Variants in AKAP9 observed in about 807,000 individuals in gnomAD.
The protein encoded by AKAP9 is A-kinase anchor protein 9.
A neutral mutation model predicts 488.5 loss-of-function variants in AKAP9; 311 were observed. That is an observed-to-expected ratio of 0.64 (90% confidence interval 0.58 to 0.70). The LOEUF is 0.70. Among genes scored for constraint, AKAP9 ranks in the 30% least tolerant of loss-of-function variants. The pLI is 0.00. For missense variants in AKAP9, 4,215 were observed against 4,374.5 expected, an observed-to-expected ratio of 0.96 and a Z score of 1.03; for synonymous variants, 1,462 against 1,483.5, an observed-to-expected ratio of 0.99 and a Z score of 0.33.
At chr7:91,980,247 C>A in intron 2 of AKAP9, 42 bp from the exon 3 acceptor site, 1 of 1,322,914 alleles carries the variant, frequency 7.6e-7, no homozygotes, top group Non-Finnish European at 1.1e-6. Context: ...ATATTTAGCA[C>A]AAAAAAGTCA....
chr7:92,002,923 C>T lies in AKAP9; in HGVS notation c.3006C>T (p.Asn1002=), dbSNP rs772095048. The T allele has an allele frequency of 1.2e-6, 2 of 1,611,604 alleles. No individual in the cohort carries two copies. Among genetic ancestry groups the T allele is most frequent in the African/African-American group, 1.3e-5 (1 of 74,654 alleles). Reference sequence around the variant, plus strand: ...GTAGAGAGCTAGAAATCATTATTAACCACAACAGGGCAGAAAATGTACAGT... The same window carrying T: ...GTAGAGAGCTAGAAATCATTATTAATCACAACAGGGCAGAAAATGTACAGT... The part of the protein sequence containing the change: ...LRCRELEIII[N]HNRAENVQSC... The change falls in exon 8 of 50, where the codon AAC becomes AAT. Residue 1002 remains asparagine (N), a synonymous_variant. Transcript: ENST00000356239.
chr7:92,062,925 C>G (rs1810134838), intron 24 of AKAP9, among the ~76,000 whole-genome samples: 1 of 152,108 alleles, frequency 6.6e-6, no homozygotes, highest in African/African-American at 2.4e-5. Flanking sequence ...TTAAAAAGGT[C>G]AGTGGCTGGT....
Position 92,083,186 on chromosome 7 carries a change from T to A in AKAP9, c.8177T>A (p.Met2726Lys), listed in dbSNP as rs1267250420. 3 of 1,613,992 alleles carry A rather than the reference T, an allele frequency of 1.9e-6. No homozygotes were observed. The highest frequency in any genetic ancestry group is 1.7e-6 in the Non-Finnish European group (2 of 1,179,954). ...QEELLVKETN[M>K]TSLQKDLSQV... ...ACGTTTTAGGTAAAAGAAACAAATA[T>A]GACATCTCTTCAGAAAGACTTAAGC... The change falls in exon 33 of 50, where the codon ATG (methionine) becomes AAG (lysine). Residue 2726 changes from methionine (M) to lysine (K), a missense_variant. By Grantham distance (95) the Met-to-Lys change is moderately conservative. Around this residue, in one of 5 missense-constraint regions of AKAP9, gnomAD observed 1,476 missense variants for 1,477.4 expected, o/e 1.00. Coordinates refer to ENST00000356239, the MANE Select transcript of AKAP9 (RefSeq NM_005751.5).
At chr7:91,946,084 C>T (rs1415224290) in intron 1 of AKAP9, among the ~76,000 whole-genome samples, 1 of 151,592 alleles carries the variant, frequency 6.6e-6, no homozygotes, top group Non-Finnish European at 1.5e-5. Flanking sequence ...CAATTGTGTA[C>T]AAAAAAAAGG....
At chr7:92,074,342 T>C (rs1337377573) in intron 28 of AKAP9, among the ~76,000 whole-genome samples, 5 of 151,898 alleles carry the variant, frequency 3.3e-5, no homozygotes, top group Non-Finnish European at 7.4e-5. Context: ...GTTAGAAAGG[T>C]AATCATTAAA....
At chr7:91,963,541 G>A (rs1196131572) in intron 1 of AKAP9, among the ~76,000 whole-genome samples, 7 of 134,750 alleles carry the variant, frequency 5.2e-5, no homozygotes, top group African/African-American at 1.9e-4. Flanking sequence ...TTTTTGAGAC[G>A]GAGTCTTGCT....
intron 1 of AKAP9, among the ~76,000 whole-genome samples, chr7:91,963,488 A>T (rs879491577): frequency 0.031 from 3,397 of 109,164 alleles, 148 homozygotes; most frequent in African/African-American, 0.16. Flanking sequence ...TTTGTCACAC[A>T]CACACACACA....
At chr7:91,968,763 A>G (rs1342894405) in intron 1 of AKAP9, among the ~76,000 whole-genome samples, 12 of 152,112 alleles carry the variant, frequency 7.9e-5, no homozygotes, top group Admixed American at 7.9e-4. Context: ...GCTTTATCAC[A>G]TAGATTTTGG....
At chr7:92,103,265 C>T (rs182928263) in intron 46 of AKAP9, among the ~76,000 whole-genome samples, 30 of 152,014 alleles carry the variant, frequency 2.0e-4, no homozygotes, top group African/African-American at 6.5e-4. Context: ...TGGCAGGCAC[C>T]TGTAGTCCCA....
intron 14 of AKAP9, among the ~76,000 whole-genome samples, chr7:92,026,329 T>C (rs1803111846): frequency 6.6e-6 from 1 of 152,116 alleles, no homozygotes; most frequent in Non-Finnish European, 1.5e-5. Context: ...CCTCTCCCTC[T>C]CCCTCTCTTC....
chr7:92,018,552 T>C (rs1039831386), intron 12 of AKAP9, among the ~76,000 whole-genome samples: 1 of 152,220 alleles, frequency 6.6e-6, no homozygotes, highest in African/African-American at 2.4e-5. Flanking sequence ...AGACTGGATT[T>C]AAAGTTCAAG....
At chr7:92,105,610 A>G in intron 46 of AKAP9, 68 bp from the exon 47 acceptor site, 1 of 1,159,656 alleles carries the variant, frequency 8.6e-7, no homozygotes, top group Non-Finnish European at 1.3e-6. Flanking sequence ...GTGTGATGTG[A>G]TTTTTGTAGG....
At chr7:91,985,684 T>G (rs1468811223) in intron 3 of AKAP9, among the ~76,000 whole-genome samples, 2 of 152,132 alleles carry the variant, frequency 1.3e-5, no homozygotes, top group Non-Finnish European at 2.9e-5. Flanking sequence ...GTCTCACTCT[T>G]TCGCCCAGGC....
At chr7:92,066,680 A>T (rs1393768323) in intron 26 of AKAP9, 134 bp downstream of exon 26, 5 of 1,155,642 alleles carry the variant, frequency 4.3e-6, no homozygotes, top group Admixed American at 2.0e-5. Flanking sequence ...ACTTAATATT[A>T]CTTAAGCATG....
At chr7:91,961,617 G>T (rs1793740271) in intron 1 of AKAP9, among the ~76,000 whole-genome samples, 1 of 151,972 alleles carries the variant, frequency 6.6e-6, no homozygotes, top group Non-Finnish European at 1.5e-5. Flanking sequence ...GGCCTAGGCG[G>T]GCGGATCATG....
At chr7:91,999,952 C>T (rs1349581515) in intron 7 of AKAP9, among the ~76,000 whole-genome samples, 2 of 152,178 alleles carry the variant, frequency 1.3e-5, no homozygotes, top group African/African-American at 4.8e-5. Flanking sequence ...CTACTTATGT[C>T]CTGATCCATT....
In AKAP9 at chr7:91,993,041, GA is replaced by G. The variant is rs1199999095; in HGVS notation, c.564del (p.Gly189AspfsTer19). The G allele has an allele frequency of 6.2e-7, 1 of 1,614,050 alleles. No individual in the cohort carries two copies. Among genetic ancestry groups the G allele is most frequent in the Admixed American group, 1.7e-5 (1 of 60,016 alleles). ...LEEMRVTYGT[E>X]GLQQLQEFEA... ...AGAAATGAGGGTTACCTATGGGACT[GA>G]AGGACTGCAGCAGGTATGTTTATTT... On this transcript the variant is annotated frameshift_variant, in exon 5 of 50. Transcript: ENST00000356239. LOFTEE classifies it high-confidence loss of function.
chr7:91,995,831 T>G, intron 7 of AKAP9, 31 bp downstream of exon 7: 1 of 1,533,598 alleles, frequency 6.5e-7, no homozygotes, highest in Non-Finnish European at 8.9e-7. Context: ...TCAGCTAACT[T>G]GTAGAAGCTT....
chr7:92,083,245 A>C lies in AKAP9; in HGVS notation c.8236A>C (p.Lys2746Gln). ...VRDHLAEAKEKLSILEKEDET... is the reference protein window; with the variant it reads ...VRDHLAEAKEQLSILEKEDET... Reference sequence around the variant, plus strand: ...GGATCACCTCGCAGAGGCAAAAGAGAAATTGTCCATTTTAGAAAAAGAAGA... The same window carrying C: ...GGATCACCTCGCAGAGGCAAAAGAGCAATTGTCCATTTTAGAAAAAGAAGA... Residue 2746 changes from lysine to glutamine, a missense_variant, in exon 33 of 50, where the codon AAA (lysine) becomes CAA (glutamine). By Grantham distance (53) the Lys-to-Gln change is moderately conservative. Coordinates refer to ENST00000356239, the MANE Select transcript of AKAP9 (RefSeq NM_005751.5). 6.2e-7 allele frequency: 1 copy of C among 1,614,150 alleles called. No homozygotes were observed. The highest frequency in any genetic ancestry group is 8.5e-7 in the Non-Finnish European group (1 of 1,180,026).
Sources: allele counts gnomAD v4.1 joint callset (sites outside exome capture counted in the v4.1 genomes callset), GRCh38; gene constraint gnomAD v4.1.1; regional missense constraint gnomAD v4.1.1; transcripts MANE v1.5; gene names NCBI Gene and HGNC (gene_info 2026-07-23, HGNC 2026-07-21).